The following DPP6 variants were observed in gnomAD, a reference collection of about 807,000 sequenced individuals.
DPP6 encodes dipeptidyl peptidase like 6, also known as A-type potassium channel modulatory protein DPP6.
Under a neutral mutation model 122.6 loss-of-function variants are expected in DPP6, and 69 were observed. The ratio of observed to expected loss-of-function variants is 0.56; its 90% CI spans 0.46 to 0.69. DPP6 has a LOEUF of 0.69. Ranked by LOEUF, DPP6 falls within the 30% of genes least tolerant of loss-of-function variation. The pLI, the probability that DPP6 is intolerant of heterozygous loss-of-function variation, is 0.00. For synonymous variants in DPP6, 418 were observed against 433.1 expected (o/e 0.97, Z 0.43); for missense variants, 928 against 1,116.9 (o/e 0.83, Z 2.41).
At chr7:154,805,097 G>A in intron 15 of DPP6, 133 bp downstream of exon 15, 1 of 1,234,046 alleles carries the variant, frequency 8.1e-7, no homozygotes. Context: ...AGTAGCTGTA[G>A]AGTCTGGAGA....
chr7:154,421,033 G>A lies in DPP6; in HGVS notation c.244-25181G>A, dbSNP rs189330704. ...AGGCAAAGTTTAAAAAAAAATGTTCGTGAGCTCTGGAACTAAGCATACCAG... is the reference window on the plus strand; with the variant it reads ...AGGCAAAGTTTAAAAAAAAATGTTCATGAGCTCTGGAACTAAGCATACCAG... On this transcript the variant is annotated intron_variant, in intron 1 of 25. Coordinates refer to ENST00000377770, the MANE Select transcript of DPP6 (RefSeq NM_130797.4). Among the ~76,000 whole-genome samples, 91 of 152,198 alleles carry A rather than the reference G, an allele frequency of 6.0e-4. 1 individual carries two copies. Among genetic ancestry groups the A allele is most frequent in the African/African-American group, 2.1e-3 (88 of 41,544 alleles).
intron 8 of DPP6, among the ~76,000 whole-genome samples, chr7:154,742,905 C>T (rs981029579): frequency 2.4e-4 from 36 of 152,204 alleles, no homozygotes; most frequent in African/African-American, 8.7e-4. Flanking sequence ...GAGCCAGTCC[C>T]TCCTCCCCCA....
At position 154,485,775 on chromosome 7, in the gene DPP6, T is replaced by C. The variant is rs150626952; in HGVS notation, c.457+10738T>C. ...TCAGTTACTTCAGTTCAGTCTTCAC[T>C]GAAACCCATGGAGGCAGGAATTTTT... On this transcript the variant is annotated intron_variant, in intron 3 of 25. Coordinates refer to ENST00000377770, the MANE Select transcript of DPP6 (RefSeq NM_130797.4). 1.2e-3 allele frequency among the ~76,000 whole-genome samples: 185 copies of C among 152,302 alleles called. 4 individuals are homozygous for C. The East Asian group carries it at 0.033, about 27-fold the overall frequency.
intron 1 of DPP6, among the ~76,000 whole-genome samples, chr7:153,932,170 G>A (rs1465415393): frequency 6.8e-6 from 1 of 148,138 alleles, no homozygotes; most frequent in African/African-American, 2.5e-5. Context: ...ACCCAGGCTG[G>A]AGTACAATGG....
chr7:154,063,696 CCG>C (rs1263502314), intron 1 of DPP6, among the ~76,000 whole-genome samples: 4 of 146,708 alleles, frequency 2.7e-5, no homozygotes, highest in Non-Finnish European at 4.5e-5. Flanking sequence ...GAGGCACCTC[CCG>C]TGAGGTGGGG....
chr7:154,537,545 A>G (rs1382202824), intron 3 of DPP6, among the ~76,000 whole-genome samples: 1 of 151,918 alleles, frequency 6.6e-6, no homozygotes, highest in Non-Finnish European at 1.5e-5. Context: ...CAAAAATTAG[A>G]TCAGCGTGGT....
intron 8 of DPP6, among the ~76,000 whole-genome samples, chr7:154,740,954 G>C (rs1293565902): frequency 6.6e-6 from 1 of 151,956 alleles, no homozygotes; most frequent in Admixed American, 6.6e-5. Flanking sequence ...TGCATTATTG[G>C]CATAACTTTT....
chr7:153,858,106 T>G, the DPP6 span, among the ~76,000 whole-genome samples: 1 of 152,220 alleles, frequency 6.6e-6, no homozygotes, highest in African/African-American at 2.4e-5. Context: ...CCAGAATTTG[T>G]TATGAGTTTT....
At chr7:154,522,297 C>A (rs544386990) in intron 3 of DPP6, among the ~76,000 whole-genome samples, 28 of 152,262 alleles carry the variant, frequency 1.8e-4, no homozygotes, top group Admixed American at 5.2e-4. Context: ...CAAGATCCTG[C>A]AGGAAAATCA....
chr7:154,457,922 T>G lies in DPP6; in HGVS notation c.358+11594T>G, dbSNP rs771490185. Among the ~76,000 whole-genome samples, 2 of 116,806 alleles carry G rather than the reference T, an allele frequency of 1.7e-5. 1 individual carries two copies. Among genetic ancestry groups the G allele is most frequent in the Non-Finnish European group, 3.5e-5 (2 of 56,932 alleles). 76.6% of individuals were successfully genotyped at this position (116,806 alleles called of 152,430 possible). The stretch of plus-strand genomic sequence containing the variant: ...CACCAGCATGGCACATGTATACATA[T>G]GTAACTAGCCTGCACAATGTGCACA... On this transcript the variant is annotated intron_variant, in intron 2 of 25. Transcript: ENST00000377770.
At chr7:154,447,163 A>G (rs1819950157) in intron 2 of DPP6, among the ~76,000 whole-genome samples, 1 of 152,062 alleles carries the variant, frequency 6.6e-6, no homozygotes, top group African/African-American at 2.4e-5. Flanking sequence ...AAAATTAGCC[A>G]GGCGTGGTGG....
intron 1 of DPP6, among the ~76,000 whole-genome samples, chr7:154,165,189 A>T (rs971532490): frequency 7.7e-6 from 1 of 129,940 alleles, no homozygotes; most frequent in Admixed American, 9.1e-5. Context: ...CCAGAGTGTG[A>T]TGTTCCCCTT....
intron 7 of DPP6, among the ~76,000 whole-genome samples, chr7:154,690,788 C>T (rs571443118): frequency 6.6e-6 from 1 of 152,214 alleles, no homozygotes; most frequent in East Asian, 1.9e-4. Flanking sequence ...CACAAAAAAC[C>T]CTGGCTTTAT....
intron 1 of DPP6, among the ~76,000 whole-genome samples, chr7:154,401,607 T>C (rs1815605589): frequency 6.6e-6 from 1 of 152,166 alleles, no homozygotes; most frequent in Non-Finnish European, 1.5e-5. Context: ...CAAGATGGAT[T>C]AAAGACTTAA....
At chr7:154,089,903 T>A (rs1413450352) in intron 1 of DPP6, among the ~76,000 whole-genome samples, 1 of 152,274 alleles carries the variant, frequency 6.6e-6, no homozygotes, top group Non-Finnish European at 1.5e-5. Flanking sequence ...TGGAGCATCC[T>A]AAGCCCTGTC....
rs1355517645 is a variant in DPP6, at chr7:154,262,532, C to T, written c.244-183682C>T. ...TCCAGCCCAGCCGGCTCCTTGATCT[C>T]GGGCTTTCGGCCTCCAGAACTGTGA... On this transcript the variant is annotated intron_variant, in intron 1 of 25. Coordinates refer to ENST00000377770, the MANE Select transcript of DPP6 (RefSeq NM_130797.4). Among the ~76,000 whole-genome samples, 3 of 151,924 alleles carry T rather than the reference C, an allele frequency of 2.0e-5. 1 individual carries two copies. Among genetic ancestry groups the T allele is most frequent in the South Asian group, 4.2e-4 (2 of 4,808 alleles).
chr7:154,258,816 CACA>C (rs1388109298), intron 1 of DPP6, among the ~76,000 whole-genome samples: 1 of 152,020 alleles, frequency 6.6e-6, no homozygotes, highest in Non-Finnish European at 1.5e-5. Context: ...GGGTTATGGA[CACA>C]ACATTTAAAT....
chr7:154,124,637 T>A (rs1235977641), intron 1 of DPP6, among the ~76,000 whole-genome samples: 2 of 152,262 alleles, frequency 1.3e-5, no homozygotes, highest in East Asian at 1.9e-4. Flanking sequence ...CCTGATGGAT[T>A]TGACTTGCAA....
the DPP6 span, among the ~76,000 whole-genome samples, chr7:153,873,000 T>G: frequency 1.2e-4 from 18 of 151,622 alleles, 1 homozygote; most frequent in Admixed American, 9.8e-4. Context: ...AGGAAAAGAG[T>G]TTTATTGGGC....
Sources: allele counts gnomAD v4.1 joint callset (sites outside exome capture counted in the v4.1 genomes callset), GRCh38; gene constraint gnomAD v4.1.1; transcripts MANE v1.5; gene names NCBI Gene and HGNC (gene_info 2026-07-23, HGNC 2026-07-21).